PDE3B: variants seen among roughly 807,000 people sequenced by gnomAD.
PDE3B encodes the protein cGMP-inhibited 3',5'-cyclic phosphodiesterase 3B.
A neutral mutation model predicts 116.8 loss-of-function variants in PDE3B; 66 were observed. The ratio of observed to expected loss-of-function variants is 0.56; its 90% CI spans 0.46 to 0.69. The LOEUF (loss-of-function observed/expected upper bound fraction) is 0.69. PDE3B is among the 30% of genes least tolerant of loss of function. PDE3B has a pLI of 0.00. For synonymous variants in PDE3B, 595 were observed against 533.6 expected, an observed-to-expected ratio of 1.12 and a Z score of -1.59; for missense variants, 1,384 against 1,368.1, an observed-to-expected ratio of 1.01 and a Z score of -0.18.
At chr11:14,723,556 C>T (rs758995063) in intron 1 of PDE3B, among the ~76,000 whole-genome samples, 1 of 151,882 alleles carries the variant, frequency 6.6e-6, no homozygotes, top group Non-Finnish European at 1.5e-5. Context: ...GAGTTTGAGA[C>T]CAGCCTGGGC....
rs556195676 is a variant in PDE3B, at chr11:14,721,832, G to A, written c.979-50105G>A. On this transcript the variant is annotated intron_variant, in intron 1 of 15. Transcript: ENST00000282096. Reference sequence around the variant, plus strand: ...GGAGATATACCTAATGCTAGATGACGAGTTAGTGGGTGCAGCACACCAGCA... The same window carrying A: ...GGAGATATACCTAATGCTAGATGACAAGTTAGTGGGTGCAGCACACCAGCA... Among the ~76,000 whole-genome samples, 14 of 130,352 alleles carry A rather than the reference G, an allele frequency of 1.1e-4. No homozygotes were observed. The South Asian group carries it at 2.9e-3, about 27-fold the overall frequency. 85.5% of individuals were successfully genotyped at this position (130,352 alleles called of 152,430 possible).
At chr11:14,877,474 C>G in the PDE3B span, 1 of 152,060 alleles carries the variant, frequency 6.6e-6, no homozygotes, top group Non-Finnish European at 1.5e-5. Context: ...TTGTAATGTC[C>G]TATCTACTTA....
rs768710157 is a variant in PDE3B, at chr11:14,843,829, T to C, written c.2323T>C (p.Ser775Pro). 4 of 1,612,728 alleles carry C rather than the reference T, an allele frequency of 2.5e-6. No individual in the cohort carries two copies. The highest frequency in any genetic ancestry group is 3.4e-6 in the Non-Finnish European group (4 of 1,178,712). The change falls in exon 12 of 16, where the codon TCT becomes CCT. Residue 775 changes from serine to proline, a missense_variant and splice_region_variant. Physicochemically the swap from Ser to Pro is moderately conservative, Grantham distance 74. Coordinates refer to ENST00000282096, the MANE Select transcript of PDE3B (RefSeq NM_000922.4). ...NGCGTGNETDSDGRINHGRIA... is the reference protein window; with the variant it reads ...NGCGTGNETDPDGRINHGRIA... ...TTTTGCTATTTATTGTTTCTCAGAT[T>C]CTGATGGTAGAATTAACCATGGGCG...
intron 1 of PDE3B, among the ~76,000 whole-genome samples, chr11:14,721,984 A>G (rs540965761): frequency 8.2e-4 from 125 of 151,924 alleles, no homozygotes; most frequent in South Asian, 4.8e-3. Flanking sequence ...GTGCAGCCGT[A>G]AAAAATGATG....
chr11:14,815,334 C>T (rs1369971895), intron 5 of PDE3B, among the ~76,000 whole-genome samples: 2 of 152,046 alleles, frequency 1.3e-5, no homozygotes, highest in Admixed American at 1.3e-4. Context: ...CTTGAGGTGT[C>T]ATAAGTCTCA....
intron 2 of PDE3B, among the ~76,000 whole-genome samples, chr11:14,782,547 G>A (rs866206464): frequency 6.6e-5 from 10 of 152,272 alleles, no homozygotes; most frequent in Non-Finnish European, 8.8e-5. Flanking sequence ...TGAGAAAACT[G>A]GCTAGCCATA....
At chr11:14,736,850 A>T (rs1856614063) in intron 1 of PDE3B, among the ~76,000 whole-genome samples, 1 of 152,132 alleles carries the variant, frequency 6.6e-6, no homozygotes, top group South Asian at 2.1e-4. Flanking sequence ...CATCTGAGAG[A>T]GATAGTAGTG....
At chr11:14,724,948 A>C (rs745577461) in intron 1 of PDE3B, among the ~76,000 whole-genome samples, 1 of 152,236 alleles carries the variant, frequency 6.6e-6, no homozygotes, top group Non-Finnish European at 1.5e-5. Flanking sequence ...GGGATAAGAT[A>C]GTCAAGATCT....
At position 14,870,533 on chromosome 11, in the gene PDE3B, T is replaced by C. The variant is rs1555008901; in HGVS notation, c.*873T>C. Reference sequence around the variant, plus strand: ...CACAGATTTGTTAGAAGAAAAAAAATTTGCTGTAATACCAAAACTAACCTC... The same window carrying C: ...CACAGATTTGTTAGAAGAAAAAAAACTTGCTGTAATACCAAAACTAACCTC... On this transcript the variant is annotated 3_prime_UTR_variant, in exon 16 of 16. Coordinates refer to ENST00000282096, the MANE Select transcript of PDE3B (RefSeq NM_000922.4). This position sits in a 1 kb window ranked among gnomAD's most constrained non-coding sequence, Gnocchi z 4.1. 6.6e-6 allele frequency: 1 copy of C among 152,460 alleles called. No individual in the cohort carries two copies. Among genetic ancestry groups the C allele is most frequent in the African/African-American group, 2.4e-5 (1 of 41,388 alleles). 9.4% of individuals were successfully genotyped at this position (152,460 alleles called of 1,614,324 possible).
chr11:14,674,441 G>C, intron 1 of PDE3B: 1 of 623,856 alleles, frequency 1.6e-6, no homozygotes, highest in South Asian at 1.4e-5. Flanking sequence ...TATTTCACTT[G>C]TTTGTCCTTA....
chr11:14,891,868 G>A, the PDE3B span: 2 of 1,410,402 alleles, frequency 1.4e-6, no homozygotes, highest in Admixed American at 2.8e-5. Context: ...GCCGGCACAC[G>A]GAGAGGTCCC....
chr11:14,838,001 C>T (rs1343588286), intron 11 of PDE3B, among the ~76,000 whole-genome samples: 1 of 150,144 alleles, frequency 6.7e-6, no homozygotes, highest in Non-Finnish European at 1.5e-5. Context: ...TTTTTTGAGA[C>T]GGAGTCTCAC....
intron 1 of PDE3B, chr11:14,698,955 A>G (rs1590070659): frequency 6.6e-6 from 1 of 151,972 alleles, no homozygotes; most frequent in African/African-American, 2.4e-5. Context: ...AAATACCAGA[A>G]GTTGTTCTTT....
At chr11:14,686,169 T>C (rs1455834652) in intron 1 of PDE3B, among the ~76,000 whole-genome samples, 1 of 152,348 alleles carries the variant, frequency 6.6e-6, no homozygotes, top group East Asian at 1.9e-4. Context: ...GGGTTTTAAA[T>C]TCTTTTAAAT....
chr11:14,897,732 AGT>A, the PDE3B span, among the ~76,000 whole-genome samples: 3 of 152,176 alleles, frequency 2.0e-5, no homozygotes. Context: ...GGAGATGGTC[AGT>A]CAGACTTTTC....
Position 14,861,288 on chromosome 11 carries a change from A to T in PDE3B, c.2808A>T (p.Ala936=). Reference sequence around the variant, plus strand: ...TATGCCAGGTGTGCATCAAACTGGCAGATATAAATGGCCCAGCAAAAGTTC... The same window carrying T: ...TATGCCAGGTGTGCATCAAACTGGCTGATATAAATGGCCCAGCAAAAGTTC... The part of the protein sequence containing the change: ...LLVCQVCIKL[A]DINGPAKVRD... The change falls in exon 14 of 16, where the codon GCA becomes GCT. Residue 936 remains alanine (A), a synonymous_variant. Coordinates refer to ENST00000282096, the MANE Select transcript of PDE3B (RefSeq NM_000922.4). 1 of 1,613,766 alleles carries T rather than the reference A, an allele frequency of 6.2e-7. No homozygotes were observed. Among genetic ancestry groups the T allele is most frequent in the Non-Finnish European group, 8.5e-7 (1 of 1,179,668 alleles).
Position 14,644,728 on chromosome 11 carries a change from A to G in PDE3B, c.653A>G (p.His218Arg). ...LTLAHPLRLR[H>R]CVLVLLLASF... ...CTCGCGCACCCGCTGCGGCTCCGGC[A>G]CTGCGTTCTGGTGCTGCTCCTGGCC... The change falls in exon 1 of 16, where the codon CAC becomes CGC. Residue 218 changes from histidine (H) to arginine (R), a missense_variant. By Grantham distance (29) the His-to-Arg change is conservative. Transcript: ENST00000282096. 6.4e-7 allele frequency: 1 copy of G among 1,561,588 alleles called. No individual in the cohort carries two copies. Among genetic ancestry groups the G allele is most frequent in the East Asian group, 2.3e-5 (1 of 43,094 alleles).
At chr11:14,703,717 T>G (rs11023310) in intron 1 of PDE3B, among the ~76,000 whole-genome samples, 97,033 of 151,604 alleles carry the variant, frequency 0.64, 31,182 homozygotes, top group Middle Eastern at 0.7. Context: ...ACAAAATTAA[T>G]ATTAGTTGTT....
At chr11:14,894,221 A>G in the PDE3B span, among the ~76,000 whole-genome samples, 1 of 152,234 alleles carries the variant, frequency 6.6e-6, no homozygotes, top group South Asian at 2.1e-4. Context: ...TTAATCAATA[A>G]TCTAATAAAA....
Sources: allele counts gnomAD v4.1 joint callset (sites outside exome capture counted in the v4.1 genomes callset), GRCh38; gene constraint gnomAD v4.1.1; non-coding constraint Gnocchi (gnomAD v3.1); transcripts MANE v1.5; gene names NCBI Gene and HGNC (gene_info 2026-07-23, HGNC 2026-07-21).